PHLPP1: variants seen among roughly 807,000 people sequenced by gnomAD.
PHLPP1 encodes the protein PH domain leucine-rich repeat-containing protein phosphatase 1.
A neutral mutation model predicts 117.2 loss-of-function variants in PHLPP1; 42 were observed. The observed-to-expected ratio is 0.36, with a 90% CI of 0.28 to 0.46. PHLPP1 has a LOEUF of 0.46. Among genes scored for constraint, PHLPP1 ranks in the 20% least tolerant of loss-of-function variants. The pLI, the probability that PHLPP1 is intolerant of heterozygous loss-of-function variation, is 1.00. For synonymous variants in PHLPP1, 1,042 were observed against 970.7 expected (o/e 1.07, Z -1.37); for missense variants, 2,084 against 2,241.9 (o/e 0.93, Z 1.42).
intron 1 of PHLPP1, among the ~76,000 whole-genome samples, chr18:62,769,784 C>G (rs1912691987): frequency 6.6e-6 from 1 of 152,208 alleles, no homozygotes; most frequent in South Asian, 2.1e-4. Flanking sequence ...ATGCAGCTAA[C>G]TGTTCATCAA....
At position 62,941,572 on chromosome 18, in the gene PHLPP1, C is replaced by G. The variant is rs538365804; in HGVS notation, c.2961-146C>G. The G allele has an allele frequency of 9.7e-6, 6 of 615,800 alleles. No individual in the cohort carries two copies. In the South Asian group the frequency reaches 1.0e-4, roughly 11 times the overall value. 38.1% of individuals were successfully genotyped at this position (615,800 alleles called of 1,614,324 possible). The stretch of plus-strand genomic sequence containing the variant: ...AGTGAATCACAGATACAAATACTTG[C>G]TAATTGAACTCCTTGAAGCCAGGGC... On this transcript the variant is annotated intron_variant, in intron 10 of 16. Transcript: ENST00000262719.
chr18:62,727,121 G>A (rs1233198201), intron 1 of PHLPP1, among the ~76,000 whole-genome samples: 9 of 151,312 alleles, frequency 5.9e-5, no homozygotes, highest in East Asian at 2.0e-4. Context: ...CCAGCTACTC[G>A]GGAGGCTGAG....
rs142486573 is a variant in PHLPP1, at chr18:62,951,242, A to G, written c.3324+5971A>G. ...GTGATCCGCCCGCCTCGTCCTCCCAAAGTGCTGGGATTACAGGCGTGAGCC... is the reference window on the plus strand; with the variant it reads ...GTGATCCGCCCGCCTCGTCCTCCCAGAGTGCTGGGATTACAGGCGTGAGCC... On this transcript the variant is annotated intron_variant, in intron 12 of 16. Coordinates refer to ENST00000262719, the MANE Select transcript of PHLPP1 (RefSeq NM_194449.4). 6.2e-3 allele frequency among the ~76,000 whole-genome samples: 936 copies of G among 151,976 alleles called. 15 individuals are homozygous for G. The highest frequency in any genetic ancestry group is 0.022 in the African/African-American group (895 of 41,434).
chr18:62,903,054 T>C lies in PHLPP1; in HGVS notation c.2535T>C (p.Asp845=), dbSNP rs1916764912. 1.2e-6 allele frequency: 2 copies of C among 1,612,980 alleles called. No individual in the cohort carries two copies. The highest frequency in any genetic ancestry group is 1.1e-5 in the South Asian group (1 of 91,068). The change falls in exon 7 of 17, where the codon GAT becomes GAC. Residue 845 remains aspartate, a synonymous_variant. Transcript: ENST00000262719. ...QLDLRDNKLG[D]LDAMIFNNIE... ...ACCTACGAGACAATAAGCTTGGTGA[T>C]CTAGATGCTATGATTTTCAACAACA... is the stretch of plus-strand genomic sequence containing the variant.
At position 62,792,741 on chromosome 18, in the gene PHLPP1, C is replaced by T. The variant is rs570606451; in HGVS notation, c.1577-37294C>T. Among the ~76,000 whole-genome samples, 5 of 151,800 alleles carry T rather than the reference C, an allele frequency of 3.3e-5. No homozygotes were observed. In the East Asian group the frequency reaches 5.8e-4, roughly 18 times the overall value. ...TATTAGCCAGGTATGGTGGTGTGCA[C>T]CTAGGTTGCAGCTACTTGGGAGGCC... On this transcript the variant is annotated intron_variant, in intron 1 of 16. Coordinates refer to ENST00000262719, the MANE Select transcript of PHLPP1 (RefSeq NM_194449.4).
intron 1 of PHLPP1, among the ~76,000 whole-genome samples, chr18:62,766,107 T>TATATA (rs1912517246): frequency 1.3e-5 from 1 of 76,886 alleles, no homozygotes; most frequent in African/African-American, 4.9e-5. Context: ...ATATATAAAA[T>TATATA]ATATATATAT....
Position 62,970,113 on chromosome 18 carries a change from C to T in PHLPP1, c.3561-2401C>T, listed in dbSNP as rs1435433955. Among the ~76,000 whole-genome samples, 4 of 151,822 alleles carry T rather than the reference C, an allele frequency of 2.6e-5. No individual in the cohort carries two copies. In the East Asian group the frequency reaches 5.8e-4, roughly 22 times the overall value. The stretch of plus-strand genomic sequence containing the variant: ...TATTTATTCTTATTCTACCGTGTGT[C>T]TCTGTGTGTACATGTGTGGCTTGTT... On this transcript the variant is annotated intron_variant, in intron 14 of 16. Coordinates refer to ENST00000262719, the MANE Select transcript of PHLPP1 (RefSeq NM_194449.4).
At chr18:62,766,104 A>ATATATATAG (rs1289379653) in intron 1 of PHLPP1, among the ~76,000 whole-genome samples, 1 of 40,978 alleles carries the variant, frequency 2.4e-5, no homozygotes, top group South Asian at 8.8e-4. Flanking sequence ...TATATATATA[A>ATATATATAG]AATATATATA....
intron 1 of PHLPP1, among the ~76,000 whole-genome samples, chr18:62,792,274 A>G (rs1332853748): frequency 6.6e-6 from 1 of 152,226 alleles, no homozygotes; most frequent in Non-Finnish European, 1.5e-5. Context: ...TTTCTCAGTC[A>G]TGACCTATTG....
intron 1 of PHLPP1, among the ~76,000 whole-genome samples, chr18:62,809,039 A>G (rs1311456775): frequency 1.3e-5 from 2 of 152,170 alleles, no homozygotes; most frequent in African/African-American, 4.8e-5. Context: ...ATAAAACTCA[A>G]TTTAATATGA....
intron 1 of PHLPP1, among the ~76,000 whole-genome samples, chr18:62,806,865 G>T (rs1913966205): frequency 6.6e-6 from 1 of 152,120 alleles, no homozygotes; most frequent in African/African-American, 2.4e-5. Flanking sequence ...ATGAGCTCAG[G>T]ATTGTCTATA....
At chr18:62,924,209 A>G (rs1909557966) in intron 10 of PHLPP1, among the ~76,000 whole-genome samples, 1 of 152,192 alleles carries the variant, frequency 6.6e-6, no homozygotes, top group South Asian at 2.1e-4. Flanking sequence ...GGCATTGGTG[A>G]GACTTTGCTT....
At chr18:62,893,657 CA>C (rs1183893307) in intron 4 of PHLPP1, among the ~76,000 whole-genome samples, 1 of 152,156 alleles carries the variant, frequency 6.6e-6, no homozygotes, top group African/African-American at 2.4e-5. Context: ...CTCTTCTAGG[CA>C]GAGTGCATAC....
At chr18:62,832,664 T>G (rs926671424) in intron 2 of PHLPP1, among the ~76,000 whole-genome samples, 1 of 152,196 alleles carries the variant, frequency 6.6e-6, no homozygotes, top group Non-Finnish European at 1.5e-5. Flanking sequence ...ATTGAAAAAT[T>G]GAGTCTTTAA....
intron 8 of PHLPP1, among the ~76,000 whole-genome samples, chr18:62,913,120 C>A (rs538109536): frequency 6.6e-6 from 1 of 152,198 alleles, no homozygotes; most frequent in African/African-American, 2.4e-5. Context: ...CTATAACACA[C>A]TACCTCATCC....
At chr18:62,812,296 C>A (rs34751166) in intron 1 of PHLPP1, among the ~76,000 whole-genome samples, 8,635 of 152,146 alleles carry the variant, frequency 0.057, 342 homozygotes, top group Middle Eastern at 0.088. Flanking sequence ...TGTGTGTATG[C>A]TCAGAAGAAA....
chr18:62,764,179 A>C (rs1452629426), intron 1 of PHLPP1, among the ~76,000 whole-genome samples: 1 of 151,306 alleles, frequency 6.6e-6, no homozygotes, highest in African/African-American at 2.4e-5. Flanking sequence ...AAAAAAAAAA[A>C]AAAACAACAA....
At chr18:62,867,875 G>A (rs1009078495) in intron 4 of PHLPP1, among the ~76,000 whole-genome samples, 17 of 151,856 alleles carry the variant, frequency 1.1e-4, no homozygotes, top group African/African-American at 3.4e-4. Flanking sequence ...GCAGTGGGGC[G>A]ATCTCGGCTC....
intron 1 of PHLPP1, among the ~76,000 whole-genome samples, chr18:62,725,359 CA>C (rs768416457): frequency 0.016 from 1,363 of 85,430 alleles, 3 homozygotes; most frequent in Admixed American, 0.019. Flanking sequence ...AACTCAGTCT[CA>C]AAAAAAAAAA....
Sources: allele counts gnomAD v4.1 joint callset (sites outside exome capture counted in the v4.1 genomes callset), GRCh38; gene constraint gnomAD v4.1.1; transcripts MANE v1.5; gene names NCBI Gene and HGNC (gene_info 2026-07-23, HGNC 2026-07-21).